The following KPNA1 variants were observed in gnomAD, a reference collection of about 807,000 sequenced individuals.
KPNA1 encodes the protein importin subunit alpha-5.
KPNA1 carries 10 observed loss-of-function variants against 70.5 expected under a neutral mutation model. The ratio of observed to expected loss-of-function variants is 0.14; its 90% CI spans 0.09 to 0.24. KPNA1 has a LOEUF of 0.24. Among genes scored for constraint, KPNA1 ranks in the 10% least tolerant of loss-of-function variants. The pLI, the probability that KPNA1 is intolerant of heterozygous loss-of-function variation, is 1.00. For synonymous variants in KPNA1, 192 were observed against 221.9 expected (o/e 0.87, Z 1.20); for missense variants, 397 against 637.9 (o/e 0.62, Z 4.07).
intron 3 of KPNA1, among the ~76,000 whole-genome samples, chr3:122,464,572 TTGAG>T (rs1403287077): frequency 6.6e-6 from 1 of 152,220 alleles, no homozygotes; most frequent in Non-Finnish European, 1.5e-5. Flanking sequence ...GCAATACTTA[TTGAG>T]TGAGTAAATA....
intron 12 of KPNA1, among the ~76,000 whole-genome samples, chr3:122,429,645 G>T (rs1488313302): frequency 2.6e-5 from 4 of 151,886 alleles, no homozygotes; most frequent in Non-Finnish European, 5.9e-5. Flanking sequence ...TTGATCTATA[G>T]ATTCAATGTG....
In KPNA1 at chr3:122,467,353, T is replaced by TCATGAAAGCCTCCATCTGA; in HGVS notation, c.187_205dup (p.Glu69ValfsTer7). On this transcript the variant is annotated stop_gained and frameshift_variant, in exon 3 of 14. Transcript: ENST00000344337. LOFTEE classifies it high-confidence loss of function. The stretch of plus-strand genomic sequence containing the variant: ...CATCTCCATGTTACTAATCTGAGCC[T>TCATGAAAGCCTCCATCTGA]CATGAAAGCCTCCATCTGACATAAC... The TCATGAAAGCCTCCATCTGA allele has an allele frequency of 6.2e-7, 1 of 1,605,130 alleles. No homozygotes were observed. Among genetic ancestry groups the TCATGAAAGCCTCCATCTGA allele is most frequent in the Non-Finnish European group, 8.5e-7 (1 of 1,172,800 alleles).
chr3:122,477,524 A>G (rs1431960963), intron 2 of KPNA1, among the ~76,000 whole-genome samples: 1 of 151,888 alleles, frequency 6.6e-6, no homozygotes, highest in Non-Finnish European at 1.5e-5. Context: ...ACACAGCAAG[A>G]CCCTGCCTCT....
In KPNA1 at chr3:122,483,813, A is replaced by C. The variant is rs555832991; in HGVS notation, c.129+12624T>G. 1.5e-4 allele frequency among the ~76,000 whole-genome samples: 23 copies of C among 152,320 alleles called. 1 individual carries two copies. The East Asian group carries it at 4.4e-3, about 29-fold the overall frequency. ...TTATTTTTTGGTACAACCAGAAAATAGTGTGGGATACTGAATTATGGGAGG... is the reference window on the plus strand; with the variant it reads ...TTATTTTTTGGTACAACCAGAAAATCGTGTGGGATACTGAATTATGGGAGG... On this transcript the variant is annotated intron_variant, in intron 2 of 13. Coordinates refer to ENST00000344337, the MANE Select transcript of KPNA1 (RefSeq NM_002264.4).
chr3:122,452,843 GA>G (rs895564280), intron 6 of KPNA1, among the ~76,000 whole-genome samples: 2 of 151,764 alleles, frequency 1.3e-5, no homozygotes, highest in Non-Finnish European at 2.9e-5. Flanking sequence ...AAGACAGAAA[GA>G]AAAAAAGAGA....
chr3:122,463,782 A>G (rs1205580151), intron 4 of KPNA1, among the ~76,000 whole-genome samples, 160 bp downstream of exon 4: 2 of 152,234 alleles, frequency 1.3e-5, no homozygotes, highest in Non-Finnish European at 2.9e-5. Flanking sequence ...TAGGAAACTT[A>G]AAATTTAGGC....
Position 122,496,527 on chromosome 3 carries a change from A to G in KPNA1, c.39T>C (p.Ser13=). The G allele has an allele frequency of 2.5e-6, 4 of 1,613,862 alleles. No homozygotes were observed. The highest frequency in any genetic ancestry group is 1.6e-4 in the Middle Eastern group (1 of 6,062). The stretch of plus-strand genomic sequence containing the variant: ...CGGGATTCAGAGATTTGTTCTTGTA[A>G]CTTTTCAGGCGAAAGTTCTCTTTTC... The part of the protein sequence containing the change: ...TPGKENFRLK[S]YKNKSLNPDE... Residue 13 remains serine (S), a synonymous_variant, in exon 2 of 14, where the codon AGT becomes AGC. Coordinates refer to ENST00000344337, the MANE Select transcript of KPNA1 (RefSeq NM_002264.4).
At chr3:122,444,772 G>A (rs987439754) in intron 9 of KPNA1, among the ~76,000 whole-genome samples, 1 of 152,180 alleles carries the variant, frequency 6.6e-6, no homozygotes, top group Non-Finnish European at 1.5e-5. Context: ...GTCTGGAGTG[G>A]ACCTCCAGCA....
At chr3:122,490,443 G>A (rs2076685263) in intron 2 of KPNA1, among the ~76,000 whole-genome samples, 2 of 152,208 alleles carry the variant, frequency 1.3e-5, no homozygotes, top group African/African-American at 4.8e-5. Context: ...GGTTCCTTCA[G>A]GTAGGAAGGT....
At chr3:122,493,888 T>C (rs938637916) in intron 2 of KPNA1, among the ~76,000 whole-genome samples, 2 of 152,204 alleles carry the variant, frequency 1.3e-5, no homozygotes, top group Non-Finnish European at 2.9e-5. Context: ...CCCAGCCTCA[T>C]TATAGTTTTA....
At chr3:122,474,436 G>T (rs1217596565) in intron 2 of KPNA1, among the ~76,000 whole-genome samples, 1 of 152,124 alleles carries the variant, frequency 6.6e-6, no homozygotes, top group Admixed American at 6.5e-5. Flanking sequence ...CCAACTTCAA[G>T]ATTTATCGTA....
chr3:122,452,325 C>T (rs1194015957), intron 6 of KPNA1, among the ~76,000 whole-genome samples: 2 of 151,666 alleles, frequency 1.3e-5, no homozygotes, highest in African/African-American at 4.8e-5. Context: ...TGGAGTGCAA[C>T]ACAGTGAAAC....
rs143209592 is a variant in KPNA1, at chr3:122,487,949, C to G, written c.129+8488G>C. Among the ~76,000 whole-genome samples the G allele has an allele frequency of 2.6e-5, 4 of 152,190 alleles. No individual in the cohort carries two copies. The East Asian group carries it at 7.7e-4, about 29-fold the overall frequency. On this transcript the variant is annotated intron_variant, in intron 2 of 13. Coordinates refer to ENST00000344337, the MANE Select transcript of KPNA1 (RefSeq NM_002264.4). ...TTTTAAAACAGTTAAGAGACAGCAC[C>G]AAATACAATGTATGACTTAGTTTCT...
At chr3:122,466,750 G>A (rs553753308) in intron 3 of KPNA1, among the ~76,000 whole-genome samples, 3 of 152,196 alleles carry the variant, frequency 2.0e-5, no homozygotes, top group East Asian at 1.9e-4. Context: ...GCTCAAGCTT[G>A]TAATTCTAGC....
At chr3:122,512,585 G>A (rs763274267) in intron 1 of KPNA1, among the ~76,000 whole-genome samples, 2 of 152,142 alleles carry the variant, frequency 1.3e-5, no homozygotes, top group African/African-American at 2.4e-5. Flanking sequence ...TTAGCCGAGT[G>A]TGGCCTCATG....
chr3:122,501,571 G>A (rs1365494750), intron 1 of KPNA1, among the ~76,000 whole-genome samples: 4 of 152,112 alleles, frequency 2.6e-5, no homozygotes, highest in Non-Finnish European at 5.9e-5. Flanking sequence ...TGTGATCAAA[G>A]AACAGGATCC....
intron 4 of KPNA1, among the ~76,000 whole-genome samples, chr3:122,461,720 G>A (rs2076326212): frequency 6.6e-6 from 1 of 152,162 alleles, no homozygotes; most frequent in Non-Finnish European, 1.5e-5. Context: ...TTAAGGAATT[G>A]CATTACAAGA....
intron 1 of KPNA1, among the ~76,000 whole-genome samples, chr3:122,501,775 C>A (rs2076832095): frequency 6.6e-6 from 1 of 152,206 alleles, no homozygotes; most frequent in Admixed American, 6.5e-5. Context: ...TCCTTCTTGA[C>A]CTTCCACCAA....
chr3:122,435,836 G>A lies in KPNA1; in HGVS notation c.1122+1334C>T, dbSNP rs144776493. 7.1e-3 allele frequency among the ~76,000 whole-genome samples: 1,081 copies of A among 151,952 alleles called. 16 individuals are homozygous for A. Among genetic ancestry groups the A allele is most frequent in the Middle Eastern group, 0.048 (14 of 294 alleles). ...CTTCATTAAGCTGAGGATGTATGTC[G>A]CCTCAGGACCCTGTGATGATTGCAT... On this transcript the variant is annotated intron_variant, in intron 11 of 13. Transcript: ENST00000344337.
Sources: allele counts gnomAD v4.1 joint callset (sites outside exome capture counted in the v4.1 genomes callset), GRCh38; gene constraint gnomAD v4.1.1; transcripts MANE v1.5; gene names NCBI Gene and HGNC (gene_info 2026-07-23, HGNC 2026-07-21).